The following CDCA5 variants were observed in gnomAD, a reference collection of about 807,000 sequenced individuals.
CDCA5 encodes the protein sororin.
In CDCA5, 14 loss-of-function variants were observed where a neutral mutation model predicts 25.7. The observed-to-expected ratio is 0.54, with a 90% CI of 0.36 to 0.85. The LOEUF is 0.85. Ranked by LOEUF, CDCA5 falls within the 40% of genes least tolerant of loss-of-function variation. The pLI, the probability that CDCA5 is intolerant of heterozygous loss-of-function variation, is 0.01. For missense variants in CDCA5, 307 were observed against 324.5 expected, an observed-to-expected ratio of 0.95 and a Z score of 0.41; for synonymous variants, 127 against 128.7, an observed-to-expected ratio of 0.99 and a Z score of 0.09.
At chr11:65,074,020 T>C (rs951597632), downstream of CDCA5, among the ~76,000 whole-genome samples, 1 of 152,194 alleles carries the variant, frequency 6.6e-6, no homozygotes, top group Non-Finnish European at 1.5e-5. Flanking sequence ...AGACAGCACA[T>C]GCCTGGAGGC....
the CDCA5 span, among the ~76,000 whole-genome samples, chr11:65,061,261 T>C: frequency 1.3e-5 from 2 of 152,096 alleles, no homozygotes; most frequent in Admixed American, 1.3e-4. Flanking sequence ...CAGCACTAAC[T>C]TGCCAGCCCT....
chr11:65,078,932 A>T lies in CDCA5; in HGVS notation c.*175T>A. ...CCAGGCGGCCCCATTTCCTAAAACC[A>T]AGATGGCTGCCGCTGCTGCCCAAGC... is the stretch of plus-strand genomic sequence containing the variant. On this transcript the variant is annotated 3_prime_UTR_variant, in exon 6 of 6. Coordinates refer to ENST00000275517, the MANE Select transcript of CDCA5 (RefSeq NM_080668.4). 1 of 1,259,138 alleles carries T rather than the reference A, an allele frequency of 7.9e-7. No homozygotes were observed. The highest frequency in any genetic ancestry group is 1.0e-6 in the Non-Finnish European group (1 of 1,003,808). 78.0% of individuals were successfully genotyped at this position (1,259,138 alleles called of 1,614,324 possible). A position where few individuals can be genotyped will look rare whatever the true frequency, so the allele number is the denominator to read the frequency against.
rs1020456581 is a variant in CDCA5 at position 65,077,484 on chromosome 11, T to C, written c.*1623A>G. ...GGCAGAAACTCTTTAATCAGGCTTT[T>C]TTTCCAACTCTAAAACAAAATCCCA... On this transcript the variant is annotated 3_prime_UTR_variant, in exon 6 of 6. Coordinates refer to ENST00000275517, the MANE Select transcript of CDCA5 (RefSeq NM_080668.4). The C allele has an allele frequency of 6.1e-6, 6 of 985,466 alleles. No homozygotes were observed. The highest frequency in any genetic ancestry group is 7.2e-6 in the Non-Finnish European group (6 of 829,932). The allele number at this position is 985,466 out of a possible 1,614,324, so 61.0% of individuals were successfully genotyped here.
At chr11:65,063,122 G>C (rs1016111940), downstream of CDCA5, among the ~76,000 whole-genome samples, 2 of 152,234 alleles carry the variant, frequency 1.3e-5, no homozygotes, top group South Asian at 4.1e-4. Context: ...AGACCCCTGG[G>C]AAGCAGATCC....
chr11:65,068,231 T>C, intron 2 of CDCA5: 1 of 632,344 alleles, frequency 1.6e-6, no homozygotes, highest in Non-Finnish European at 2.5e-6. Context: ...AGGGGCCCCA[T>C]CGTCTGTATC....
At chr11:65,061,264 C>G in the CDCA5 span, among the ~76,000 whole-genome samples, 1 of 152,168 alleles carries the variant, frequency 6.6e-6, no homozygotes. Flanking sequence ...CACTAACTTG[C>G]CAGCCCTGTG....
chr11:65,084,032 A>G lies in CDCA5; in HGVS notation c.-54T>C. ...GCGCCGCCGCCCCGGGCGCGCGCCA[A>G]CCGGGAAGGCCACTCGCTGCAAAAA... On this transcript the variant is annotated 5_prime_UTR_variant, in exon 1 of 6. Transcript: ENST00000275517. 1 of 1,574,116 alleles carries G rather than the reference A, an allele frequency of 6.4e-7. No individual in the cohort carries two copies. The highest frequency in any genetic ancestry group is 8.6e-7 in the Non-Finnish European group (1 of 1,159,126).
chr11:65,083,800 GAGA>G lies in CDCA5; in HGVS notation c.47-80_47-78del, dbSNP rs1338792403. 8 of 1,572,850 alleles carry G rather than the reference GAGA, an allele frequency of 5.1e-6. No homozygotes were observed. The African/African-American group carries it at 6.8e-5, about 13-fold the overall frequency. On this transcript the variant is annotated intron_variant, in intron 1 of 5. Coordinates refer to ENST00000275517, the MANE Select transcript of CDCA5 (RefSeq NM_080668.4). ...CCAGAGAACAGGTTCTAGAGACAGC[GAGA>G]AGATTCCCAAACAAGCCCTTTTAAG...
intron 4 of CDCA5, 143 bp downstream of exon 4, chr11:65,083,221 C>T: frequency 1.2e-6 from 1 of 833,050 alleles, no homozygotes; most frequent in South Asian, 1.5e-5. Flanking sequence ...TCAAGACTGG[C>T]AATGCATGCA....
In CDCA5 at chr11:65,079,149, G is replaced by C; in HGVS notation, c.717C>G (p.Ala239=). 1.3e-6 allele frequency: 2 copies of C among 1,521,646 alleles called. No homozygotes were observed. The highest frequency in any genetic ancestry group is 1.3e-5 in the South Asian group (1 of 75,076). The allele number at this position is 1,521,646 out of a possible 1,614,324, so 94.3% of individuals were successfully genotyped here. The part of the protein sequence containing the change: ...ELDEWAAAMN[A]EFEAAEQFDL... ...CAAACTGCTCAGCAGCTTCAAACTC[G>C]GCATTCATGGCCGCAGCCCACTCAT... The change falls in exon 6 of 6, where the codon GCC becomes GCG. Residue 239 remains alanine (A), a synonymous_variant. Coordinates refer to ENST00000275517, the MANE Select transcript of CDCA5 (RefSeq NM_080668.4).
At position 65,078,434 on chromosome 11, in the gene CDCA5, CAGAACT is replaced by C; in HGVS notation, c.*667_*672del. On this transcript the variant is annotated 3_prime_UTR_variant, in exon 6 of 6. Transcript: ENST00000275517. ...TTTACCAAACATCTCAACAGCAGAC[CAGAACT>C]AGAAAACACAGCTTCTGTGTAGTAC... 7.1e-6 allele frequency: 7 copies of C among 985,624 alleles called. No homozygotes were observed. Among genetic ancestry groups the C allele is most frequent in the Non-Finnish European group, 8.4e-6 (7 of 829,998 alleles). 61.1% of individuals were successfully genotyped at this position (985,624 alleles called of 1,614,324 possible). A position where few individuals can be genotyped will look rare whatever the true frequency, so the allele number is the denominator to read the frequency against.
chr11:65,078,888 A>G lies in CDCA5; in HGVS notation c.*219T>C. On this transcript the variant is annotated 3_prime_UTR_variant, in exon 6 of 6. Coordinates refer to ENST00000275517, the MANE Select transcript of CDCA5 (RefSeq NM_080668.4). ...GAAGGACAGGACGACAAGAGACAGG[A>G]CACCAGTGAGTGGCTGGGCCAGGCG... 8.0e-7 allele frequency: 1 copy of G among 1,251,320 alleles called. No homozygotes were observed. Among genetic ancestry groups the G allele is most frequent in the African/African-American group, 1.5e-5 (1 of 65,044 alleles). 77.5% of individuals were successfully genotyped at this position (1,251,320 alleles called of 1,614,324 possible).
chr11:65,079,366 A>C lies in CDCA5; in HGVS notation c.665T>G (p.Met222Arg). ...CCTCTCACTCACCAAGATCTCTGGC[A>C]TTTTCTTCTTCTTACGTTTCTGTTT... The part of the protein sequence containing the change: ...PEKQKRKKKK[M>R]PEILKTELDE... Residue 222 changes from methionine to arginine, a missense_variant, in exon 5 of 6, where the codon ATG becomes AGG. Coordinates refer to ENST00000275517, the MANE Select transcript of CDCA5 (RefSeq NM_080668.4). 1 of 1,613,696 alleles carries C rather than the reference A, an allele frequency of 6.2e-7. No individual in the cohort carries two copies. The highest frequency in any genetic ancestry group is 8.5e-7 in the Non-Finnish European group (1 of 1,179,946).
rs374121399 is a variant in CDCA5 at position 65,080,806 on chromosome 11, C to T, written c.244-1019G>A. On this transcript the variant is annotated intron_variant, in intron 4 of 5. Transcript: ENST00000275517. ...ACAGCAGGGAATAAAACAGAGAAAA[C>T]CCCTGCCCCATTCTAAGAGAAAAAC... 3.9e-5 allele frequency among the ~76,000 whole-genome samples: 6 copies of T among 152,338 alleles called. 1 individual carries two copies. In the South Asian group the frequency reaches 8.3e-4, roughly 21 times the overall value.
downstream of CDCA5, among the ~76,000 whole-genome samples, chr11:65,074,828 A>G (rs2370165): frequency 0.93 from 139,730 of 150,682 alleles, 64,889 homozygotes; most frequent in Middle Eastern, 0.97. Context: ...TTAGGAGGCC[A>G]AGGAGGGTGG....
chr11:65,073,397 A>G (rs957027094), downstream of CDCA5, among the ~76,000 whole-genome samples: 3 of 152,234 alleles, frequency 2.0e-5, no homozygotes, highest in African/African-American at 7.2e-5. Flanking sequence ...ACCCAGTTGG[A>G]TTGCAGAACC....
downstream of CDCA5, among the ~76,000 whole-genome samples, chr11:65,075,134 C>T (rs546239164): frequency 2.1e-4 from 31 of 149,664 alleles, 1 homozygote; most frequent in African/African-American, 6.2e-4. Context: ...CGGTGATTCA[C>T]GCCTATAACC....
downstream of CDCA5, among the ~76,000 whole-genome samples, chr11:65,076,310 T>C (rs1187786492): frequency 1.3e-5 from 2 of 152,148 alleles, no homozygotes; most frequent in Non-Finnish European, 2.9e-5. Context: ...AGTCAGGATC[T>C]CCCTATGTTG....
At chr11:65,067,046 G>A (rs187889653) in intron 4 of CDCA5, among the ~76,000 whole-genome samples, 4 of 152,352 alleles carry the variant, frequency 2.6e-5, no homozygotes, top group Admixed American at 2.6e-4. Context: ...CAGGTGGGAT[G>A]GGAATTGTTC....
Sources: gnomAD v4.1 joint callset for allele counts (sites outside exome capture counted in the v4.1 genomes callset) on GRCh38, gnomAD v4.1.1 for gene constraint, MANE v1.5 for transcripts, NCBI Gene and HGNC (gene_info 2026-07-23, HGNC 2026-07-21) for gene names.